SLC8A1: variants seen among roughly 807,000 people sequenced by gnomAD.
SLC8A1 encodes the protein solute carrier family 8 member A1.
In SLC8A1, 18 loss-of-function variants were observed where a neutral mutation model predicts 68.3. That is an observed-to-expected ratio of 0.26 (90% CI 0.18 to 0.39). The LOEUF (loss-of-function observed/expected upper bound fraction) is 0.39. Among genes scored for constraint, SLC8A1 ranks in the 10% least tolerant of loss-of-function variants. The pLI is 1.00. For synonymous variants in SLC8A1, 475 were observed against 415.5 expected (o/e 1.14, Z -1.74); for missense variants, 985 against 1,156.7 (o/e 0.85, Z 2.15).
intron 2 of SLC8A1, among the ~76,000 whole-genome samples, chr2:40,203,712 T>C (rs2054842412): frequency 6.6e-6 from 1 of 151,770 alleles, no homozygotes; most frequent in Admixed American, 6.6e-5. Flanking sequence ...ATGGTGAGGG[T>C]TATTTTATTT....
chr2:40,464,644 G>C (rs1703553921), intron 1 of SLC8A1, among the ~76,000 whole-genome samples: 1 of 152,188 alleles, frequency 6.6e-6, no homozygotes, highest in Non-Finnish European at 1.5e-5. Context: ...TGTGGGGTTT[G>C]TCACTGGAGA....
chr2:40,282,314 C>T (rs1442511529), intron 2 of SLC8A1, among the ~76,000 whole-genome samples: 2 of 152,098 alleles, frequency 1.3e-5, no homozygotes, highest in African/African-American at 2.4e-5. Flanking sequence ...ACCCCAGACA[C>T]AAAACACAAT....
intron 6 of SLC8A1, among the ~76,000 whole-genome samples, chr2:40,141,256 G>A (rs569412281): frequency 6.6e-6 from 1 of 152,286 alleles, no homozygotes; most frequent in East Asian, 1.9e-4. Context: ...AAGCCATTGG[G>A]TGCAGATGAT....
rs187790509 is a variant in SLC8A1, at chr2:40,451,281, G to C, written c.-25+623C>G. Among the ~76,000 whole-genome samples the C allele has an allele frequency of 2.5e-3, 374 of 152,242 alleles. 1 individual carries two copies. The highest frequency in any genetic ancestry group is 2.7e-3 in the Non-Finnish European group (183 of 68,006). On this transcript the variant is annotated intron_variant, in intron 1 of 7. Coordinates refer to ENST00000406785, the Ensembl canonical transcript of SLC8A1. ...AATCCCCAAAGCACACCACGGCACAGTGCCCAGAGACGTGGACCCCGCAGC... is the reference window on the plus strand; with the variant it reads ...AATCCCCAAAGCACACCACGGCACACTGCCCAGAGACGTGGACCCCGCAGC...
intron 2 of SLC8A1, chr2:40,251,795 GTCTC>G (rs1206678267): frequency 6.6e-6 from 1 of 152,006 alleles, no homozygotes; most frequent in Non-Finnish European, 1.5e-5. Context: ...TATGACTTTC[GTCTC>G]TCTATTCTTT....
intron 2 of SLC8A1, among the ~76,000 whole-genome samples, chr2:40,201,357 A>G (rs576991069): frequency 6.6e-6 from 1 of 152,062 alleles, no homozygotes; most frequent in East Asian, 1.9e-4. Context: ...AACCAAAACA[A>G]AATTCAATTT....
chr2:40,381,183 C>G (rs191778731), intron 2 of SLC8A1, among the ~76,000 whole-genome samples: 1 of 151,998 alleles, frequency 6.6e-6, no homozygotes, highest in Non-Finnish European at 1.5e-5. Flanking sequence ...TGGCTGCACT[C>G]GGCAATACCA....
chr2:40,434,286 A>G (rs1213757712), intron 1 of SLC8A1, among the ~76,000 whole-genome samples: 1 of 152,234 alleles, frequency 6.6e-6, no homozygotes, highest in Non-Finnish European at 1.5e-5. Context: ...TGGACACAGC[A>G]CACTGATGTA....
intron 2 of SLC8A1, among the ~76,000 whole-genome samples, chr2:40,366,389 T>C (rs1051312723): frequency 4.5e-4 from 69 of 152,056 alleles, no homozygotes; most frequent in Admixed American, 2.6e-4. Context: ...AGAAGTTACT[T>C]CACCAGAAAA....
At chr2:40,207,055 A>T (rs1308556131) in intron 2 of SLC8A1, among the ~76,000 whole-genome samples, 1 of 152,116 alleles carries the variant, frequency 6.6e-6, no homozygotes, top group Admixed American at 6.6e-5. Flanking sequence ...AATCTATTTA[A>T]TTAAGACCAA....
chr2:40,148,109 T>C (rs2888657), intron 6 of SLC8A1, among the ~76,000 whole-genome samples: 57,317 of 152,098 alleles, frequency 0.38, 11,843 homozygotes, highest in Middle Eastern at 0.5. Flanking sequence ...CATTGTTTTA[T>C]GAAAAGTGTA....
At chr2:40,430,822 C>A (rs545691685) in intron 1 of SLC8A1, among the ~76,000 whole-genome samples, 1 of 152,200 alleles carries the variant, frequency 6.6e-6, no homozygotes, top group East Asian at 1.9e-4. Context: ...GAAAAAATCC[C>A]ACCAACACAA....
At chr2:40,157,169 T>C (rs1052372423) in intron 6 of SLC8A1, among the ~76,000 whole-genome samples, 6 of 152,242 alleles carry the variant, frequency 3.9e-5, no homozygotes, top group Admixed American at 3.3e-4. Context: ...TATTTTATTA[T>C]AGGTTCTATA....
At chr2:40,115,155 T>C (rs1042512946) in exon 8 of SLC8A1, 6 of 900,056 alleles carry the variant, frequency 6.7e-6, no homozygotes, top group Non-Finnish European at 7.6e-6. Context: ...CATCAGCAGG[T>C]AAGTGAACAT....
intron 2 of SLC8A1, among the ~76,000 whole-genome samples, chr2:40,373,034 G>GA (rs903303835): frequency 1.3e-5 from 2 of 150,924 alleles, no homozygotes; most frequent in East Asian, 2.0e-4. Flanking sequence ...ACTTAAGGGG[G>GA]AAAAAAAAAT....
chr2:40,333,919 A>G (rs2076703726), intron 2 of SLC8A1, among the ~76,000 whole-genome samples: 1 of 152,032 alleles, frequency 6.6e-6, no homozygotes, highest in Admixed American at 6.6e-5. Flanking sequence ...ATGGTGGTGC[A>G]CACCTGTAAT....
At chr2:40,208,082 C>A (rs1242109719) in intron 2 of SLC8A1, among the ~76,000 whole-genome samples, 1 of 152,010 alleles carries the variant, frequency 6.6e-6, no homozygotes, top group Admixed American at 6.6e-5. Flanking sequence ...ACCTCTGACA[C>A]CTACAGCCAA....
At chr2:40,322,501 T>TAAA (rs10708563) in intron 2 of SLC8A1, among the ~76,000 whole-genome samples, 1 of 97,324 alleles carries the variant, frequency 1.0e-5, no homozygotes, top group Non-Finnish European at 2.1e-5. Context: ...TACAAAAGGT[T>TAAA]AAAAAAAAAA....
chr2:40,184,509 A>G (rs1002044299), intron 2 of SLC8A1, among the ~76,000 whole-genome samples: 2 of 152,206 alleles, frequency 1.3e-5, no homozygotes, highest in Non-Finnish European at 2.9e-5. Flanking sequence ...TTTAGTATTC[A>G]GGCATCAGCG....
Sources: gnomAD v4.1 joint callset for allele counts (sites outside exome capture counted in the v4.1 genomes callset) on GRCh38, gnomAD v4.1.1 for gene constraint, MANE v1.5 for transcripts, NCBI Gene and HGNC (gene_info 2026-07-23, HGNC 2026-07-21) for gene names.